Variants in RBFOX1 observed in about 807,000 individuals in gnomAD.
RBFOX1 encodes RNA binding protein fox-1 homolog 1.
In RBFOX1, 8 loss-of-function variants were observed where a neutral mutation model predicts 57.7. The ratio of observed to expected loss-of-function variants is 0.14; its 90% CI spans 0.08 to 0.25. The LOEUF is 0.25. Among genes scored for constraint, RBFOX1 ranks in the 10% least tolerant of loss-of-function variants. The probability of loss-of-function intolerance (pLI) is 1.00; values close to 1 mark genes in which losing one functional copy is unlikely to be tolerated. For synonymous variants in RBFOX1, 326 were observed against 222.4 expected (o/e 1.47, Z -4.15); for missense variants, 611 against 548.5 (o/e 1.11, Z -1.14).
intron 4 of RBFOX1, among the ~76,000 whole-genome samples, chr16:7,070,978 A>G (rs1598675207): frequency 6.6e-6 from 1 of 152,282 alleles, no homozygotes; most frequent in Middle Eastern, 3.4e-3. Flanking sequence ...TTTTGCCCAG[A>G]GTGGCATGTT....
chr16:6,786,930 C>T (rs1382829348), intron 3 of RBFOX1, among the ~76,000 whole-genome samples: 1 of 151,884 alleles, frequency 6.6e-6, no homozygotes, highest in African/African-American at 2.4e-5. Context: ...GGCTTATTGA[C>T]TCTTAGGGAC....
chr16:5,764,597 G>A (rs982195464), intron 3 of RBFOX1, among the ~76,000 whole-genome samples: 1 of 152,136 alleles, frequency 6.6e-6, no homozygotes, highest in Non-Finnish European at 1.5e-5. Flanking sequence ...AGGGAGAAGG[G>A]CCCATCCCTT....
intron 3 of RBFOX1, among the ~76,000 whole-genome samples, chr16:5,690,564 GAAAA>G (rs1410893750): frequency 7.7e-6 from 1 of 130,642 alleles, no homozygotes; most frequent in African/African-American, 2.4e-5. Context: ...CAGTCTGCTT[GAAAA>G]CAAACAAACA....
Position 6,604,814 on chromosome 16 carries a change from T to G in RBFOX1, c.-63-49789T>G, listed in dbSNP as rs528999051. Among the ~76,000 whole-genome samples, 134 of 152,222 alleles carry G rather than the reference T, an allele frequency of 8.8e-4. 1 individual carries two copies. The highest frequency in any genetic ancestry group is 1.6e-3 in the Non-Finnish European group (106 of 68,010). On this transcript the variant is annotated intron_variant, in intron 2 of 15. Transcript: ENST00000550418. Reference sequence around the variant, plus strand: ...CCAATTAATTGGTGCTTGAGATTGATGTAACTGAATGAATAGATGACTTCA... The same window carrying G: ...CCAATTAATTGGTGCTTGAGATTGAGGTAACTGAATGAATAGATGACTTCA...
At chr16:7,098,130 G>T (rs1018644434) in intron 4 of RBFOX1, among the ~76,000 whole-genome samples, 1 of 152,140 alleles carries the variant, frequency 6.6e-6, no homozygotes, top group Non-Finnish European at 1.5e-5. Flanking sequence ...TTAGTTAATG[G>T]AAGATGGAGG....
chr16:5,697,536 T>TC (rs1258274777), intron 3 of RBFOX1, among the ~76,000 whole-genome samples: 1 of 83,280 alleles, frequency 1.2e-5, no homozygotes. Context: ...TTTTCTATTC[T>TC]TTTTTTTTTT....
At chr16:7,695,499 A>G (rs1314566835) in intron 14 of RBFOX1, among the ~76,000 whole-genome samples, 1 of 151,946 alleles carries the variant, frequency 6.6e-6, no homozygotes, top group Non-Finnish European at 1.5e-5. Flanking sequence ...CTAAAAATAC[A>G]AAAATTAGCC....
chr16:5,791,407 C>G (rs1381248884), intron 3 of RBFOX1, among the ~76,000 whole-genome samples: 2 of 152,140 alleles, frequency 1.3e-5, no homozygotes, highest in African/African-American at 4.8e-5. Flanking sequence ...CATGCAATCG[C>G]TTTTTAATTC....
intron 4 of RBFOX1, among the ~76,000 whole-genome samples, chr16:7,189,803 CTT>C (rs1354730061): frequency 1.3e-5 from 2 of 152,220 alleles, no homozygotes; most frequent in Non-Finnish European, 2.9e-5. Flanking sequence ...AGTAAGTTTT[CTT>C]TCTTTCCTCC....
intron 1 of RBFOX1, among the ~76,000 whole-genome samples, chr16:5,299,415 G>T (rs911308776): frequency 1.3e-5 from 2 of 152,098 alleles, no homozygotes; most frequent in African/African-American, 4.8e-5. Context: ...ACCAAACTTT[G>T]TGTGAACATA....
At position 5,620,839 on chromosome 16, in the gene RBFOX1, C is replaced by T. The variant is rs146367001; in HGVS notation, c.318+21878C>T. Among the ~76,000 whole-genome samples the T allele has an allele frequency of 7.9e-5, 12 of 152,072 alleles. No homozygotes were observed. In the East Asian group the frequency reaches 2.1e-3, roughly 27 times the overall value. ...GACCACAGGCATGTGCCACTACACT[C>T]AATTTTTATTTGTATTTTTTTGAGA... is the stretch of plus-strand genomic sequence containing the variant. On this transcript the variant is annotated intron_variant, in intron 3 of 19. Transcript: ENST00000641259.
intron 4 of RBFOX1, among the ~76,000 whole-genome samples, chr16:7,165,965 C>CACACACAT (rs749385448): frequency 2.0e-5 from 3 of 147,314 alleles, no homozygotes; most frequent in Non-Finnish European, 4.5e-5. Context: ...CACACACACA[C>CACACACAT]ATACATACAT....
chr16:7,236,156 C>G (rs1273265718), intron 4 of RBFOX1, among the ~76,000 whole-genome samples: 1 of 152,094 alleles, frequency 6.6e-6, no homozygotes, highest in Admixed American at 6.6e-5. Flanking sequence ...CTAAACATTG[C>G]TACTGTTAAG....
At chr16:5,569,191 C>G (rs2046180459) in intron 2 of RBFOX1, among the ~76,000 whole-genome samples, 2 of 152,036 alleles carry the variant, frequency 1.3e-5, no homozygotes, top group African/African-American at 4.8e-5. Flanking sequence ...GTGGACACCT[C>G]TCTCCTAAAG....
At chr16:6,289,025 C>T (rs188460172) in intron 1 of RBFOX1, among the ~76,000 whole-genome samples, 1 of 152,110 alleles carries the variant, frequency 6.6e-6, no homozygotes, top group African/African-American at 2.4e-5. Flanking sequence ...AGAATCTGAA[C>T]AGAATGAGCT....
At chr16:6,245,461 G>A (rs977102968) in intron 1 of RBFOX1, among the ~76,000 whole-genome samples, 1 of 152,128 alleles carries the variant, frequency 6.6e-6, no homozygotes, top group African/African-American at 2.4e-5. Flanking sequence ...GTAGAGTGCA[G>A]ACCCTGGACC....
intron 4 of RBFOX1, among the ~76,000 whole-genome samples, chr16:7,341,235 A>T (rs1568302585): frequency 6.6e-6 from 1 of 152,192 alleles, no homozygotes; most frequent in African/African-American, 2.4e-5. Flanking sequence ...AGAAACATTG[A>T]ACTCAATACT....
At chr16:5,843,336 T>C (rs1442606221) in intron 3 of RBFOX1, among the ~76,000 whole-genome samples, 1 of 152,208 alleles carries the variant, frequency 6.6e-6, no homozygotes, top group East Asian at 1.9e-4. Flanking sequence ...TTCCCTTCTG[T>C]GTATCCATAT....
At chr16:5,517,864 G>A (rs568417681) in intron 2 of RBFOX1, among the ~76,000 whole-genome samples, 3 of 141,392 alleles carry the variant, frequency 2.1e-5, no homozygotes, top group East Asian at 2.0e-4. Context: ...ACACACACAC[G>A]TACATATACT....
Sources: gnomAD v4.1 joint callset for allele counts (sites outside exome capture counted in the v4.1 genomes callset) on GRCh38, gnomAD v4.1.1 for gene constraint, MANE v1.5 for transcripts, NCBI Gene and HGNC (gene_info 2026-07-23, HGNC 2026-07-21) for gene names.